Variants in FBXL13 observed in about 807,000 individuals in gnomAD.
The protein encoded by FBXL13 is F-box and leucine-rich repeat protein 13.
In FBXL13, 67 loss-of-function variants were observed where a neutral mutation model predicts 83.6. The observed-to-expected ratio is 0.80, with a 90% CI of 0.66 to 0.98. The LOEUF (loss-of-function observed/expected upper bound fraction) is 0.98, where lower values mean the gene tolerates loss of function less well. FBXL13 is among the 50% of genes least tolerant of loss of function. FBXL13 has a pLI of 0.00. For missense variants in FBXL13, 822 were observed against 866.5 expected, an observed-to-expected ratio of 0.95 and a Z score of 0.64; for synonymous variants, 272 against 299.5, an observed-to-expected ratio of 0.91 and a Z score of 0.95.
intron 17 of FBXL13, 51 bp downstream of exon 18, chr7:102,854,726 A>G (rs759250989): frequency 1.6e-6 from 2 of 1,224,628 alleles, no homozygotes; most frequent in South Asian, 3.2e-5. Context: ...AAAAAGAAAA[A>G]AAGAAAAATT....
chr7:103,027,302 A>T, intron 5 of FBXL13, 147 bp downstream of exon 6: 1 of 564,882 alleles, frequency 1.8e-6, no homozygotes, highest in East Asian at 3.2e-5. Context: ...GTCCCAAAAA[A>T]ATAAAAATAA....
chr7:102,996,952 T>C (rs1789859869), intron 6 of FBXL13, among the ~76,000 whole-genome samples: 1 of 152,226 alleles, frequency 6.6e-6, no homozygotes, highest in Admixed American at 6.5e-5. Flanking sequence ...CCATTGGTTA[T>C]ATTTTATTAT....
intron 17 of FBXL13, among the ~76,000 whole-genome samples, chr7:102,852,300 T>G (rs1336226961): frequency 6.6e-6 from 1 of 152,054 alleles, no homozygotes; most frequent in East Asian, 1.9e-4. Flanking sequence ...TCCATTTCTG[T>G]TTTTTCTACT....
rs563771388 is a variant in FBXL13, at chr7:103,067,714, T to A, written c.-105+6532A>T. 5.9e-5 allele frequency among the ~76,000 whole-genome samples: 9 copies of A among 152,356 alleles called. No homozygotes were observed. The South Asian group carries it at 1.9e-3, about 32-fold the overall frequency. On this transcript the variant is annotated intron_variant, in intron 1 of 19. Transcript: ENST00000313221. Reference sequence around the variant, plus strand: ...TCAAGATGATTTTAACCTCAGCCACTCTGACATGTAAGTGCATGAGGGATC... The same window carrying A: ...TCAAGATGATTTTAACCTCAGCCACACTGACATGTAAGTGCATGAGGGATC...
At chr7:103,034,338 C>T (rs897189740) in intron 2 of FBXL13, among the ~76,000 whole-genome samples, 5 of 152,330 alleles carry the variant, frequency 3.3e-5, no homozygotes, top group Admixed American at 6.5e-5. Flanking sequence ...AGCCCATGGA[C>T]GGTGTGGGGG....
intron 15 of FBXL13, among the ~76,000 whole-genome samples, chr7:102,877,979 A>AAACT (rs138091030): frequency 0.033 from 5,041 of 152,244 alleles, 231 homozygotes; most frequent in East Asian, 0.16. Context: ...AGTCAAGAAT[A>AAACT]AACCAGCCAG....
intron 11 of FBXL13, among the ~76,000 whole-genome samples, chr7:102,905,498 T>C (rs2129467321): frequency 6.6e-6 from 1 of 152,350 alleles, no homozygotes; most frequent in African/African-American, 2.4e-5. Flanking sequence ...AGTCCATGTG[T>C]GTCTTTATAG....
At chr7:102,973,268 G>C in intron 6 of FBXL13, 1 of 430,944 alleles carries the variant, frequency 2.3e-6, no homozygotes, top group Admixed American at 3.8e-5. Context: ...TCTCTTCTCA[G>C]GCCCAGTCCC....
intron 11 of FBXL13, among the ~76,000 whole-genome samples, chr7:102,904,000 T>C (rs994341436): frequency 6.9e-6 from 1 of 145,112 alleles, no homozygotes; most frequent in African/African-American, 2.5e-5. Flanking sequence ...AGGGTAATAC[T>C]GGCCTCATAG....
At chr7:102,919,094 C>T (rs1468248738) in intron 10 of FBXL13, among the ~76,000 whole-genome samples, 1 of 152,166 alleles carries the variant, frequency 6.6e-6, no homozygotes, top group Non-Finnish European at 1.5e-5. Context: ...TGATTGTTAG[C>T]ATCTCTTCCC....
At chr7:102,984,172 A>G (rs1828649703) in intron 6 of FBXL13, among the ~76,000 whole-genome samples, 1 of 148,854 alleles carries the variant, frequency 6.7e-6, no homozygotes, top group African/African-American at 2.6e-5. Flanking sequence ...CTGAAAAAAG[A>G]GTCATTTGCA....
exon 5 of FBXL13, chr7:103,027,527 A>G (rs745849440): frequency 2.5e-6 from 4 of 1,612,714 alleles, no homozygotes; most frequent in East Asian, 2.2e-5. Flanking sequence ...GCTTGTGACA[A>G]TAGATGATCT....
At chr7:102,858,581 A>C (rs73406284) in intron 16 of FBXL13, among the ~76,000 whole-genome samples, 29,222 of 152,174 alleles carry the variant, frequency 0.19, 3,060 homozygotes, top group East Asian at 0.43. Context: ...ATAAAAGAAA[A>C]AAGTGGAAAC....
chr7:102,909,416 G>C (rs1563075285), intron 11 of FBXL13, among the ~76,000 whole-genome samples: 1 of 152,096 alleles, frequency 6.6e-6, no homozygotes, highest in Non-Finnish European at 1.5e-5. Context: ...TGGTATCTAA[G>C]GTGTAAGACT....
rs144038813 is a variant in FBXL13, at chr7:102,837,534, A to G, written c.1720-4560T>C. 1.5e-3 allele frequency among the ~76,000 whole-genome samples: 222 copies of G among 152,358 alleles called. 2 individuals are homozygous for G. The highest frequency in any genetic ancestry group is 5.2e-3 in the African/African-American group (217 of 41,588). On this transcript the variant is annotated intron_variant, in intron 17 of 19. Coordinates refer to ENST00000313221, the Ensembl canonical transcript of FBXL13. ...GTCTTCCCCAATTCTTCTCTGTGGAAGAGATGCGCTTTCAAATTCTTATAA... is the reference window on the plus strand; with the variant it reads ...GTCTTCCCCAATTCTTCTCTGTGGAGGAGATGCGCTTTCAAATTCTTATAA...
intron 8 of FBXL13, chr7:102,944,558 G>C (rs759698758): frequency 6.2e-7 from 1 of 1,613,158 alleles, no homozygotes; most frequent in South Asian, 1.1e-5. Flanking sequence ...AAAAAACATA[G>C]AGATCACACC....
chr7:103,050,565 G>A (rs1796704305), intron 2 of FBXL13, among the ~76,000 whole-genome samples: 2 of 152,128 alleles, frequency 1.3e-5, no homozygotes, highest in Non-Finnish European at 2.9e-5. Flanking sequence ...TTCAACACAT[G>A]GTCTCTGGGC....
At position 102,926,266 on chromosome 7, in the gene FBXL13, A is replaced by G. The variant is rs1818115499; in HGVS notation, c.878+8T>C. On this transcript the variant is annotated splice_region_variant and intron_variant, in intron 10 of 19. Coordinates refer to ENST00000313221, the Ensembl canonical transcript of FBXL13. The stretch of plus-strand genomic sequence containing the variant: ...TTTTCAGTGTCATACAAATAACACA[A>G]ACATTACCTCGGCAGGAGTCGCATC... 1 of 1,611,496 alleles carries G rather than the reference A, an allele frequency of 6.2e-7. No homozygotes were observed. Among genetic ancestry groups the G allele is most frequent in the Non-Finnish European group, 8.5e-7 (1 of 1,178,878 alleles).
chr7:102,873,817 C>G (rs1808862852), intron 16 of FBXL13, among the ~76,000 whole-genome samples: 1 of 152,156 alleles, frequency 6.6e-6, no homozygotes. Context: ...AACCTCCATG[C>G]CTTTGTGCAG....
Sources: gnomAD v4.1 joint callset for allele counts (sites outside exome capture counted in the v4.1 genomes callset) on GRCh38, gnomAD v4.1.1 for gene constraint, MANE v1.5 for transcripts, NCBI Gene and HGNC (gene_info 2026-07-23, HGNC 2026-07-21) for gene names.